Variants in LARGE1 observed in about 807,000 individuals in gnomAD.
LARGE1 encodes xylosyl- and glucuronyltransferase LARGE1.
A neutral mutation model predicts 87.6 loss-of-function variants in LARGE1; 43 were observed. The observed-to-expected ratio is 0.49, with a 90% CI of 0.38 to 0.63. LARGE1 has a LOEUF of 0.63. Among genes scored for constraint, LARGE1 ranks in the 30% least tolerant of loss-of-function variants. The pLI, the probability that LARGE1 is intolerant of heterozygous loss-of-function variation, is 0.00. For synonymous variants in LARGE1, 434 were observed against 394.6 expected (o/e 1.10, Z -1.18); for missense variants, 802 against 1,000.2 (o/e 0.80, Z 2.67).
In LARGE1 at chr22:33,643,074, C is replaced by A. The variant is rs118137408; in HGVS notation, c.408+7293G>T. On this transcript the variant is annotated intron_variant, in intron 3 of 14. Coordinates refer to ENST00000397394, the MANE Select transcript of LARGE1 (RefSeq NM_133642.5). ...AATAAATATCTACGGAACTCCCCAC[C>A]CCAAATCAACAGAATATACATTCTG... 2.2e-3 allele frequency among the ~76,000 whole-genome samples: 334 copies of A among 152,218 alleles called. 5 individuals are homozygous for A. In the East Asian group the frequency reaches 0.047, roughly 21 times the overall value.
intron 5 of LARGE1, among the ~76,000 whole-genome samples, chr22:33,599,253 C>T (rs1363374086): frequency 4.6e-5 from 7 of 152,208 alleles, no homozygotes; most frequent in African/African-American, 1.4e-4. Flanking sequence ...CTCTTCAACC[C>T]CACACTTTAA....
intron 7 of LARGE1, among the ~76,000 whole-genome samples, chr22:33,407,924 G>T (rs988121248): frequency 4.6e-5 from 7 of 152,046 alleles, no homozygotes; most frequent in Admixed American, 1.3e-4. Context: ...ATATTGTAAT[G>T]GGAATACACA....
chr22:33,755,612 A>G (rs184733309), intron 2 of LARGE1, among the ~76,000 whole-genome samples: 2 of 152,306 alleles, frequency 1.3e-5, no homozygotes, highest in East Asian at 3.9e-4. Flanking sequence ...AAATGGGGCT[A>G]TAGTTGAGCA....
intron 9 of LARGE1, among the ~76,000 whole-genome samples, chr22:33,348,289 C>CCAA (rs1569081859): frequency 1.5e-4 from 19 of 124,036 alleles, no homozygotes; most frequent in South Asian, 3.1e-4. Context: ...CACCCCCCCC[C>CCAA]AAAAAAAAAG....
In LARGE1 at chr22:33,381,790, C is replaced by A. The variant is rs914259337; in HGVS notation, c.1131+129G>T. On this transcript the variant is annotated intron_variant, in intron 9 of 14. Transcript: ENST00000397394. ...ACCCCACAAAGATGAAAAGCATACT[C>A]ATTCTGCTCTCCTGTGCCCTTATCT... 11 of 1,234,492 alleles carry A rather than the reference C, an allele frequency of 8.9e-6. No homozygotes were observed. The Admixed American group carries it at 1.2e-4, about 14-fold the overall frequency. 76.5% of individuals were successfully genotyped at this position (1,234,492 alleles called of 1,614,324 possible). A position where few individuals can be genotyped will look rare whatever the true frequency, so the allele number is the denominator to read the frequency against.
intron 2 of LARGE1, among the ~76,000 whole-genome samples, chr22:33,693,498 TAAAAC>T (rs758686335): frequency 6.6e-6 from 1 of 152,002 alleles, no homozygotes; most frequent in Non-Finnish European, 1.5e-5. Context: ...TTTACCAAAT[TAAAAC>T]AAACAAACAA....
intron 5 of LARGE1, among the ~76,000 whole-genome samples, chr22:33,568,351 A>G (rs2078089963): frequency 6.6e-6 from 1 of 152,244 alleles, no homozygotes; most frequent in Admixed American, 6.5e-5. Flanking sequence ...TGCTTTATGC[A>G]TCAGCCTCAT....
At chr22:33,211,881 C>A (rs1331411314) in intron 11 of LARGE1, among the ~76,000 whole-genome samples, 3 of 152,162 alleles carry the variant, frequency 2.0e-5, no homozygotes, top group African/African-American at 4.8e-5. Flanking sequence ...AAGATCAAAC[C>A]AGCTGTATAA....
At chr22:33,848,807 TC>T (rs1265468900) in intron 1 of LARGE1, among the ~76,000 whole-genome samples, 2 of 152,188 alleles carry the variant, frequency 1.3e-5, no homozygotes, top group Non-Finnish European at 2.9e-5. Flanking sequence ...CCTTGATCTG[TC>T]CCCCTGGGCA....
chr22:33,068,907 G>A, the LARGE1 span, among the ~76,000 whole-genome samples: 1 of 152,164 alleles, frequency 6.6e-6, no homozygotes, highest in Non-Finnish European at 1.5e-5. Flanking sequence ...GGTGGACTCA[G>A]GGCTGCGGCT....
chr22:33,210,924 C>T (rs1481940124), intron 11 of LARGE1, among the ~76,000 whole-genome samples: 1 of 152,204 alleles, frequency 6.6e-6, no homozygotes, highest in East Asian at 1.9e-4. Context: ...AGGCAGACCT[C>T]GTTTTCCCGC....
intron 11 of LARGE1, among the ~76,000 whole-genome samples, chr22:33,218,977 C>G (rs925810809): frequency 6.6e-6 from 1 of 152,168 alleles, no homozygotes; most frequent in African/African-American, 2.4e-5. Context: ...ATCAGTTGTG[C>G]CTTTCCCCAC....
intron 4 of LARGE1, among the ~76,000 whole-genome samples, chr22:33,614,600 G>T (rs1380633160): frequency 6.6e-6 from 1 of 152,006 alleles, no homozygotes; most frequent in Non-Finnish European, 1.5e-5. Flanking sequence ...CCTGTGACCA[G>T]CTCCTGCTCC....
At chr22:33,823,476 ATAAT>A (rs2062696013) in intron 1 of LARGE1, among the ~76,000 whole-genome samples, 1 of 152,246 alleles carries the variant, frequency 6.6e-6, no homozygotes, top group African/African-American at 2.4e-5. Flanking sequence ...GAAGTAAAAA[ATAAT>A]TACAATAGCT....
chr22:33,535,173 G>C (rs2077006109), intron 6 of LARGE1, among the ~76,000 whole-genome samples: 1 of 152,214 alleles, frequency 6.6e-6, no homozygotes, highest in South Asian at 2.1e-4. Flanking sequence ...TTTCACTCCA[G>C]CACCCTGCTG....
chr22:33,704,149 T>C (rs1026132611), intron 2 of LARGE1, among the ~76,000 whole-genome samples: 7 of 152,250 alleles, frequency 4.6e-5, no homozygotes, highest in South Asian at 4.1e-4. Context: ...TCTTTTATTA[T>C]AGACTGTAAT....
intron 6 of LARGE1, among the ~76,000 whole-genome samples, chr22:33,562,737 A>G (rs2077897740): frequency 6.6e-6 from 1 of 152,246 alleles, no homozygotes; most frequent in Non-Finnish European, 1.5e-5. Flanking sequence ...GAGCGCCACT[A>G]GCACTATAGC....
chr22:33,391,448 G>A (rs2065518502), intron 7 of LARGE1, among the ~76,000 whole-genome samples: 1 of 152,112 alleles, frequency 6.6e-6, no homozygotes, highest in African/African-American at 2.4e-5. Flanking sequence ...AGGGCATCTT[G>A]AAATGAATGA....
intron 3 of LARGE1, among the ~76,000 whole-genome samples, chr22:33,635,149 T>A (rs2080233582): frequency 6.6e-6 from 1 of 150,648 alleles, no homozygotes. Context: ...AATCCCACAG[T>A]GGCCAATCTG....
Sources: gnomAD v4.1 joint callset for allele counts (sites outside exome capture counted in the v4.1 genomes callset) on GRCh38, gnomAD v4.1.1 for gene constraint, MANE v1.5 for transcripts, NCBI Gene and HGNC (gene_info 2026-07-23, HGNC 2026-07-21) for gene names.